The following IL1RAPL1 variants were observed in gnomAD, a reference collection of about 807,000 sequenced individuals.
IL1RAPL1 encodes the protein interleukin-1 receptor accessory protein-like 1.
A neutral mutation model predicts 48.4 loss-of-function variants in IL1RAPL1; 3 were observed. The observed-to-expected ratio is 0.06, with a 90% CI of 0.03 to 0.16. The LOEUF is 0.16. Among genes scored for constraint, IL1RAPL1 ranks in the 10% least tolerant of loss-of-function variants. The pLI is 1.00. For synonymous variants in IL1RAPL1, 185 were observed against 187.7 expected, an observed-to-expected ratio of 0.99 and a Z score of 0.12; for missense variants, 349 against 530.6, an observed-to-expected ratio of 0.66 and a Z score of 3.36.
chrX:29,370,791 A>G (rs992308034), intron 3 of IL1RAPL1, among the ~76,000 whole-genome samples: 1 of 110,895 alleles, frequency 9.0e-6, no homozygotes, highest in South Asian at 3.7e-4. Flanking sequence ...GCTCAACCTC[A>G]CAATAATAGA....
chrX:28,761,555 A>G (rs772690902), intron 1 of IL1RAPL1, among the ~76,000 whole-genome samples: 1 of 111,574 alleles, frequency 9.0e-6, no homozygotes, highest in African/African-American at 3.3e-5. Context: ...ATTTATAAAC[A>G]TAAAGATGGG....
At chrX:29,749,734 G>A (rs1036967723) in intron 6 of IL1RAPL1, among the ~76,000 whole-genome samples, 1 of 112,066 alleles carries the variant, frequency 8.9e-6, no homozygotes, top group East Asian at 2.8e-4. Flanking sequence ...AGGAAGTGTC[G>A]TGTTTAACAG....
chrX:29,708,304 A>G, intron 6 of IL1RAPL1, among the ~76,000 whole-genome samples: 1 of 111,606 alleles, frequency 9.0e-6, no homozygotes, highest in Middle Eastern at 4.6e-3. Context: ...TGAAATACAC[A>G]CTACATTATT....
At chrX:28,944,773 T>G (rs1924252404) in intron 2 of IL1RAPL1, among the ~76,000 whole-genome samples, 1 of 108,293 alleles carries the variant, frequency 9.2e-6, no homozygotes, top group African/African-American at 3.3e-5. Context: ...GATAGGAAGT[T>G]TTTTTTTTTA....
At chrX:29,857,268 A>T (rs1247355948) in intron 6 of IL1RAPL1, among the ~76,000 whole-genome samples, 1 of 111,644 alleles carries the variant, frequency 9.0e-6, no homozygotes, top group Non-Finnish European at 1.9e-5. Context: ...AAATAATAAT[A>T]AAACATAATA....
At chrX:29,606,114 C>T (rs1923883418) in intron 5 of IL1RAPL1, among the ~76,000 whole-genome samples, 1 of 111,192 alleles carries the variant, frequency 9.0e-6, no homozygotes, top group East Asian at 2.8e-4. Flanking sequence ...ATGTCTGTTC[C>T]CCAATTTATC....
intron 3 of IL1RAPL1, among the ~76,000 whole-genome samples, chrX:29,303,142 G>T (rs1932563677): frequency 9.0e-6 from 1 of 111,574 alleles, no homozygotes; most frequent in South Asian, 3.8e-4. Flanking sequence ...CAGACTGAGG[G>T]TGTCACGTAT....
At chrX:29,232,334 A>G (rs1371958210) in intron 2 of IL1RAPL1, among the ~76,000 whole-genome samples, 1 of 112,250 alleles carries the variant, frequency 8.9e-6, no homozygotes, top group Non-Finnish European at 1.9e-5. Context: ...AATATAGGCT[A>G]GTAACTAAAA....
rs377165412 is a variant in IL1RAPL1 at position 29,529,455 on chromosome X, G to A, written c.703+130147G>A. Among the ~76,000 whole-genome samples, 4 of 108,864 alleles carry A rather than the reference G, an allele frequency of 3.7e-5. No individual in the cohort carries two copies. In the East Asian group the frequency reaches 8.7e-4, roughly 24 times the overall value. 94.5% of individuals were successfully genotyped at this position (108,864 alleles called of 115,157 possible). A position where few individuals can be genotyped will look rare whatever the true frequency, so the allele number is the denominator to read the frequency against. On this transcript the variant is annotated intron_variant, in intron 5 of 10. Coordinates refer to ENST00000378993, the MANE Select transcript of IL1RAPL1 (RefSeq NM_014271.4). ...CTAAAAATACAAAAATTAGCCGGGT[G>A]TGGTGATGCGCGCCTGTAATCCCAG...
At chrX:28,676,134 T>C (rs960618860) in intron 1 of IL1RAPL1, among the ~76,000 whole-genome samples, 1 of 111,964 alleles carries the variant, frequency 8.9e-6, no homozygotes, top group Non-Finnish European at 1.9e-5. Context: ...TTCACTATTC[T>C]TAATTTTTTT....
At chrX:29,802,823 A>G (rs1569172860) in intron 6 of IL1RAPL1, among the ~76,000 whole-genome samples, 30 of 78,595 alleles carry the variant, frequency 3.8e-4, no homozygotes, top group African/African-American at 1.6e-3. Context: ...GTGTATATAT[A>G]TGTATACATA....
At chrX:29,834,128 C>A (rs1293477817) in intron 6 of IL1RAPL1, among the ~76,000 whole-genome samples, 8 of 112,473 alleles carry the variant, frequency 7.1e-5, no homozygotes, top group Non-Finnish European at 1.3e-4. Context: ...TTCCTCTGAG[C>A]TCATATGTAT....
chrX:29,325,447 G>A (rs939095148), intron 3 of IL1RAPL1, among the ~76,000 whole-genome samples: 7 of 111,774 alleles, frequency 6.3e-5, no homozygotes, highest in Non-Finnish European at 1.3e-4. Context: ...ACTTGTTTTG[G>A]ATTCTAAACT....
At chrX:28,866,376 G>A (rs982849849) in intron 2 of IL1RAPL1, among the ~76,000 whole-genome samples, 1 of 111,250 alleles carries the variant, frequency 9.0e-6, no homozygotes, top group Non-Finnish European at 1.9e-5. Context: ...GGACTCTGGA[G>A]GAAATGGTGG....
At chrX:29,408,660 A>G (rs1347711322) in intron 5 of IL1RAPL1, among the ~76,000 whole-genome samples, 1 of 111,801 alleles carries the variant, frequency 8.9e-6, no homozygotes, top group Non-Finnish European at 1.9e-5. Flanking sequence ...TAACTTTTTA[A>G]CAGTTAATAC....
chrX:29,063,889 T>C (rs1232185097), intron 2 of IL1RAPL1, among the ~76,000 whole-genome samples: 2 of 112,060 alleles, frequency 1.8e-5, no homozygotes, highest in African/African-American at 6.5e-5. Flanking sequence ...CTTTCCTATT[T>C]TTTTCCTATG....
chrX:29,525,528 C>A (rs1011699051), intron 5 of IL1RAPL1, among the ~76,000 whole-genome samples: 1 of 111,786 alleles, frequency 8.9e-6, no homozygotes, highest in South Asian at 3.7e-4. Context: ...TCAGTCAAGT[C>A]TCTAATCTCT....
intron 2 of IL1RAPL1, among the ~76,000 whole-genome samples, chrX:29,013,143 A>G (rs1292857389): frequency 9.1e-6 from 1 of 110,435 alleles, no homozygotes; most frequent in Admixed American, 9.7e-5. Context: ...AATGCAAATC[A>G]AAACCACAAT....
chrX:29,577,604 CT>C (rs1262768444), intron 5 of IL1RAPL1, among the ~76,000 whole-genome samples: 1 of 111,935 alleles, frequency 8.9e-6, no homozygotes, highest in Non-Finnish European at 1.9e-5. Flanking sequence ...CAAGTTTACC[CT>C]TACTGGGGAG....
Sources: allele counts gnomAD v4.1 joint callset (sites outside exome capture counted in the v4.1 genomes callset), GRCh38; gene constraint gnomAD v4.1.1; transcripts MANE v1.5; gene names NCBI Gene and HGNC (gene_info 2026-07-23, HGNC 2026-07-21).